EMB: variants seen among roughly 807,000 people sequenced by gnomAD.
EMB encodes embigin homolog.
EMB carries 31 observed loss-of-function variants against 41.4 expected under a neutral mutation model. The ratio of observed to expected loss-of-function variants is 0.75; its 90% confidence interval spans 0.56 to 1.01. The LOEUF (loss-of-function observed/expected upper bound fraction) is 1.01. EMB is among the 50% of genes least tolerant of loss of function. The pLI is 0.00. For synonymous variants in EMB, 137 were observed against 140.4 expected, an observed-to-expected ratio of 0.98 and a Z score of 0.17; for missense variants, 379 against 388.3, an observed-to-expected ratio of 0.98 and a Z score of 0.20.
At chr5:50,430,963 A>C (rs143533015) in intron 1 of EMB, among the ~76,000 whole-genome samples, 450 of 152,310 alleles carry the variant, frequency 3.0e-3, no homozygotes, top group Non-Finnish European at 5.2e-3. Flanking sequence ...ATAGGAAAGG[A>C]AGGAAACACC....
chr5:50,420,791 A>G (rs1206949459), intron 2 of EMB, among the ~76,000 whole-genome samples: 1 of 152,188 alleles, frequency 6.6e-6, no homozygotes, highest in Non-Finnish European at 1.5e-5. Context: ...TCACTTCTTT[A>G]GACAGATAAG....
chr5:50,402,226 A>G (rs1305026844), intron 7 of EMB, 60 bp downstream of exon 7: 5 of 1,540,346 alleles, frequency 3.2e-6, no homozygotes, highest in South Asian at 1.1e-5. Context: ...ATTTCATTCA[A>G]TTTTATGTTT....
intron 1 of EMB, among the ~76,000 whole-genome samples, chr5:50,437,196 A>C (rs181846068): frequency 3.9e-5 from 6 of 152,254 alleles, no homozygotes; most frequent in African/African-American, 1.2e-4. Context: ...TCTTGAGCCC[A>C]GAAGGTCAAG....
intron 7 of EMB, among the ~76,000 whole-genome samples, chr5:50,401,100 C>T (rs779184429): frequency 1.3e-5 from 2 of 152,024 alleles, no homozygotes; most frequent in Non-Finnish European, 2.9e-5. Flanking sequence ...AATAAGATAT[C>T]TATGTTCTCC....
intron 7 of EMB, 122 bp downstream of exon 7, chr5:50,402,164 G>T: frequency 1.0e-6 from 1 of 1,003,120 alleles, no homozygotes; most frequent in Non-Finnish European, 1.5e-6. Context: ...CCACCACCAC[G>T]TGGACATATA....
At chr5:50,442,645 G>T (rs1745933542), upstream of EMB, among the ~76,000 whole-genome samples, 1 of 152,140 alleles carries the variant, frequency 6.6e-6, no homozygotes, top group Non-Finnish European at 1.5e-5. Context: ...TGCCTTCAAG[G>T]ACTAAATCTT....
chr5:50,440,788 G>T (rs1431843228), intron 1 of EMB, among the ~76,000 whole-genome samples: 1 of 152,020 alleles, frequency 6.6e-6, no homozygotes, highest in Non-Finnish European at 1.5e-5. Flanking sequence ...CCCGACTCGC[G>T]GGGCGCTGTT....
At chr5:50,411,626 T>C (rs1745339806) in intron 2 of EMB, 1 of 320,844 alleles carries the variant, frequency 3.1e-6, no homozygotes, top group African/African-American at 2.1e-5. Flanking sequence ...GTGATAGTTA[T>C]CTCCTTAAGC....
In EMB at chr5:50,398,664, A is replaced by C. The variant is rs917378275; in HGVS notation, c.*609T>G. 1 of 152,080 alleles carries C rather than the reference A, an allele frequency of 6.6e-6. No individual in the cohort carries two copies. Among genetic ancestry groups the C allele is most frequent in the Non-Finnish European group, 1.5e-5 (1 of 67,964 alleles). The allele number at this position is 152,080 out of a possible 1,614,324, so 9.4% of individuals were successfully genotyped here. On this transcript the variant is annotated 3_prime_UTR_variant, in exon 9 of 9. Coordinates refer to ENST00000303221, the MANE Select transcript of EMB (RefSeq NM_198449.3). ...TTTTGTAGTGCAGAGCTTTAGAGCAAGCACAGTTTTATTTATTTGCCTTAA... is the reference window on the plus strand; with the variant it reads ...TTTTGTAGTGCAGAGCTTTAGAGCACGCACAGTTTTATTTATTTGCCTTAA...
intron 2 of EMB, among the ~76,000 whole-genome samples, chr5:50,421,022 G>A (rs904031747): frequency 2.6e-5 from 4 of 152,076 alleles, no homozygotes; most frequent in Non-Finnish European, 5.9e-5. Flanking sequence ...TCTAGCAGGG[G>A]ACATATAACT....
intron 2 of EMB, among the ~76,000 whole-genome samples, chr5:50,424,886 T>C (rs962172129): frequency 1.7e-4 from 26 of 152,118 alleles, no homozygotes; most frequent in Admixed American, 6.6e-4. Flanking sequence ...AAAACTGATA[T>C]TAAAAAAACA....
intron 2 of EMB, among the ~76,000 whole-genome samples, chr5:50,417,231 C>G (rs1401266754): frequency 6.6e-6 from 1 of 152,154 alleles, no homozygotes; most frequent in African/African-American, 2.4e-5. Context: ...CTTACAGAAA[C>G]AGAAGGCCAC....
At chr5:50,404,749 T>C (rs781437846) in intron 5 of EMB, among the ~76,000 whole-genome samples, 3 of 151,910 alleles carry the variant, frequency 2.0e-5, no homozygotes, top group Non-Finnish European at 4.4e-5. Context: ...TTCCTCATCA[T>C]CCATCAGAAG....
intron 2 of EMB, among the ~76,000 whole-genome samples, chr5:50,415,916 A>G (rs1373358646): frequency 6.6e-6 from 1 of 152,256 alleles, no homozygotes; most frequent in Non-Finnish European, 1.5e-5. Flanking sequence ...GTGCAATCAA[A>G]ATATTTTAAA....
rs375311165 is a variant in EMB at position 50,409,406 on chromosome 5, T to C, written c.472+1471A>G. ...TTAGAAAAAAAAAGAAAAAAGTGTT[T>C]AAAGTTGAATATCTTGGGAGCACTT... On this transcript the variant is annotated intron_variant, in intron 4 of 8. Coordinates refer to ENST00000303221, the MANE Select transcript of EMB (RefSeq NM_198449.3). Among the ~76,000 whole-genome samples the C allele has an allele frequency of 9.2e-5, 14 of 152,216 alleles. No homozygotes were observed. The East Asian group carries it at 9.7e-4, about 10-fold the overall frequency.
At chr5:50,410,389 T>A (rs1745315894) in intron 4 of EMB, among the ~76,000 whole-genome samples, 1 of 152,144 alleles carries the variant, frequency 6.6e-6, no homozygotes, top group Admixed American at 6.6e-5. Flanking sequence ...GGCTTGTATA[T>A]ATCTTTAAAC....
In EMB at chr5:50,399,974, A is replaced by C. The variant is rs145221279; in HGVS notation, c.912-61T>G. 0.01 allele frequency: 11,334 copies of C among 1,118,154 alleles called. 507 individuals are homozygous for C. The African/African-American group carries it at 0.11, about 11-fold the overall frequency. The allele number at this position is 1,118,154 out of a possible 1,614,324, so 69.3% of individuals were successfully genotyped here. A position where few individuals can be genotyped will look rare whatever the true frequency, so the allele number is the denominator to read the frequency against. On this transcript the variant is annotated intron_variant, in intron 7 of 8. Transcript: ENST00000303221. ...TTATATTATATAAAATTAAGTCAGT[A>C]CATCACTGATATGGCTATCAGGTTA...
intron 4 of EMB, among the ~76,000 whole-genome samples, chr5:50,406,062 T>C (rs942205252): frequency 6.6e-6 from 1 of 151,880 alleles, no homozygotes. Flanking sequence ...CTCCAATGTA[T>C]AGAAATGGAA....
Position 50,441,155 on chromosome 5 carries a change from G to T in EMB, c.-4C>A, listed in dbSNP as rs746665797. ...GCAGGCCGGGGAGGGCGCGCATGGC[G>T]CCAGAGGGTCCGCCTGGGTCCTCGT... On this transcript the variant is annotated 5_prime_UTR_variant, in exon 1 of 9. Coordinates refer to ENST00000303221, the MANE Select transcript of EMB (RefSeq NM_198449.3). 1.3e-6 allele frequency: 2 copies of T among 1,488,132 alleles called. No homozygotes were observed. Among genetic ancestry groups the T allele is most frequent in the South Asian group, 2.5e-5 (2 of 78,836 alleles). 92.2% of individuals were successfully genotyped at this position (1,488,132 alleles called of 1,614,324 possible). A position where few individuals can be genotyped will look rare whatever the true frequency, so the allele number is the denominator to read the frequency against.
Sources: allele counts gnomAD v4.1 joint callset (sites outside exome capture counted in the v4.1 genomes callset), GRCh38; gene constraint gnomAD v4.1.1; transcripts MANE v1.5; gene names NCBI Gene and HGNC (gene_info 2026-07-23, HGNC 2026-07-21).